Variants in IPPK observed in about 807,000 individuals in gnomAD.
IPPK encodes IPK1 homolog.
A neutral mutation model predicts 64.6 loss-of-function variants in IPPK; 22 were observed. The ratio of observed to expected loss-of-function variants is 0.34; its 90% CI spans 0.24 to 0.49. The LOEUF is 0.49. Ranked by LOEUF, IPPK falls within the 20% of genes least tolerant of loss-of-function variation. The pLI is 0.99. For synonymous variants in IPPK, 262 were observed against 247.2 expected, an observed-to-expected ratio of 1.06 and a Z score of -0.56; for missense variants, 532 against 630.7, an observed-to-expected ratio of 0.84 and a Z score of 1.68.
Position 92,634,402 on chromosome 9 carries a change from G to A in IPPK, c.1154C>T (p.Ala385Val). 1 of 1,613,562 alleles carries A rather than the reference G, an allele frequency of 6.2e-7. No individual in the cohort carries two copies. Among genetic ancestry groups the A allele is most frequent in the Non-Finnish European group, 8.5e-7 (1 of 1,179,434 alleles). The change falls in exon 11 of 13, where the codon GCC becomes GTC. Residue 385 changes from alanine (A) to valine (V), a missense_variant. Ala to Val is a moderately conservative substitution (Grantham distance 64). Coordinates refer to ENST00000287996, the MANE Select transcript of IPPK (RefSeq NM_022755.6). ...DLSTEDDGTV[A>V]FALTKVQQYR... ...TCTGCCCACCTTCGTTAGCGCGAAG[G>A]CCACTGTCCCGTCATCCTCAGTGGA...
intron 11 of IPPK, among the ~76,000 whole-genome samples, chr9:92,628,603 C>T (rs140847474): frequency 4.1e-4 from 62 of 152,276 alleles, no homozygotes; most frequent in African/African-American, 1.4e-3. Flanking sequence ...TGACCGGGCA[C>T]GGTGGCTCAC....
intron 3 of IPPK, among the ~76,000 whole-genome samples, chr9:92,653,604 C>A (rs1279388161): frequency 6.6e-6 from 1 of 152,226 alleles, no homozygotes; most frequent in Non-Finnish European, 1.5e-5. Flanking sequence ...GTAATTCCAG[C>A]ACTTTGGGAG....
chr9:92,648,072 T>C lies in IPPK; in HGVS notation c.491A>G (p.His164Arg). 1.2e-6 allele frequency: 2 copies of C among 1,612,752 alleles called. No individual in the cohort carries two copies. The highest frequency in any genetic ancestry group is 1.7e-6 in the Non-Finnish European group (2 of 1,179,184). Residue 164 changes from histidine to arginine, a missense_variant, in exon 6 of 13, where the codon CAC becomes CGC. Transcript: ENST00000287996. Reference protein sequence around the residue: ...MKHKVCRYCMHQHLKVATGKW... With the variant: ...MKHKVCRYCMRQHLKVATGKW... ...ATTGGCTCTCACCTTGAGGTGCTGG[T>C]GCATGCAGTATCGACAGACCTTATG...
At chr9:92,659,546 G>A (rs984000806) in intron 1 of IPPK, among the ~76,000 whole-genome samples, 7 of 152,010 alleles carry the variant, frequency 4.6e-5, no homozygotes, top group African/African-American at 9.7e-5. Context: ...TTCTAAGAAC[G>A]TACATTATAT....
intron 12 of IPPK, chr9:92,617,961 T>C: frequency 3.1e-6 from 1 of 324,818 alleles, no homozygotes; most frequent in South Asian, 2.6e-5. Context: ...GTGGTCAATC[T>C]ATCTGTGAGC....
rs924152322 is a variant in IPPK at position 92,634,313 on chromosome 9, C to CA, written c.1170+72dup. 6.2e-6 allele frequency: 7 copies of CA among 1,120,974 alleles called. No individual in the cohort carries two copies. In the African/African-American group the frequency reaches 7.9e-5, roughly 13 times the overall value. The allele number at this position is 1,120,974 out of a possible 1,614,324, so 69.4% of individuals were successfully genotyped here. ...GGGGTAGGTAATGGAAAAAAAAATA[C>CA]AAAAAACAAAAAAACAGATTAGTGC... On this transcript the variant is annotated intron_variant, in intron 11 of 12. Transcript: ENST00000287996.
chr9:92,620,859 C>T (rs1164093960), intron 11 of IPPK, among the ~76,000 whole-genome samples: 1 of 152,190 alleles, frequency 6.6e-6, no homozygotes, highest in African/African-American at 2.4e-5. Flanking sequence ...GGAAACTAAA[C>T]TCTTGGTGGG....
intron 4 of IPPK, among the ~76,000 whole-genome samples, chr9:92,651,393 G>A (rs1298070943): frequency 6.6e-6 from 1 of 152,210 alleles, no homozygotes; most frequent in Admixed American, 6.5e-5. Context: ...GGGAGTGGGT[G>A]GGGATGGAGG....
At chr9:92,667,709 A>G (rs1252970849) in intron 1 of IPPK, among the ~76,000 whole-genome samples, 1 of 151,168 alleles carries the variant, frequency 6.6e-6, no homozygotes, top group Non-Finnish European at 1.5e-5. Context: ...ATTTGAGGTC[A>G]GGAGTTTGAA....
chr9:92,626,964 A>G (rs1372061206), intron 11 of IPPK, among the ~76,000 whole-genome samples: 2 of 152,070 alleles, frequency 1.3e-5, no homozygotes, highest in Non-Finnish European at 2.9e-5. Flanking sequence ...CCCAGATAAA[A>G]AATTATTTTC....
intron 8 of IPPK, among the ~76,000 whole-genome samples, chr9:92,639,220 T>C (rs1011492624): frequency 1.3e-5 from 2 of 152,062 alleles, no homozygotes; most frequent in African/African-American, 4.8e-5. Context: ...AGCAATTTTT[T>C]TGATTTTTTG....
chr9:92,647,551 T>C (rs2131447563), intron 6 of IPPK, among the ~76,000 whole-genome samples: 1 of 152,166 alleles, frequency 6.6e-6, no homozygotes. Context: ...TTATACACCA[T>C]GAGCAACTGG....
chr9:92,669,968 G>T lies in IPPK; in HGVS notation c.21C>A (p.Asp7Glu), dbSNP rs1377011532. 1 of 1,612,740 alleles carries T rather than the reference G, an allele frequency of 6.2e-7. No homozygotes were observed. The highest frequency in any genetic ancestry group is 1.3e-5 in the African/African-American group (1 of 74,790). MEEGKM[D>E]ENEWGYHGEG... is the part of the protein sequence containing the mutation. ...CTCCGTGGTACCCCCATTCATTCTCGTCCATCTTCCCCTCTTCCATGCCCA... is the reference window on the plus strand; with the variant it reads ...CTCCGTGGTACCCCCATTCATTCTCTTCCATCTTCCCCTCTTCCATGCCCA... Residue 7 changes from aspartate to glutamate, a missense_variant, in exon 1 of 13, where the codon GAC becomes GAA. Coordinates refer to ENST00000287996, the MANE Select transcript of IPPK (RefSeq NM_022755.6).
chr9:92,656,125 G>A (rs761100844), intron 3 of IPPK, among the ~76,000 whole-genome samples: 3 of 152,202 alleles, frequency 2.0e-5, no homozygotes, highest in Non-Finnish European at 4.4e-5. Context: ...GGCCTCCTGT[G>A]TTCAAAGGTG....
chr9:92,625,372 CT>C (rs767883671), intron 11 of IPPK, among the ~76,000 whole-genome samples: 14 of 152,118 alleles, frequency 9.2e-5, no homozygotes, highest in Non-Finnish European at 1.5e-4. Flanking sequence ...AATTTTACAT[CT>C]AAAAATCTGT....
At chr9:92,625,072 G>A (rs531852933) in intron 11 of IPPK, among the ~76,000 whole-genome samples, 2 of 152,314 alleles carry the variant, frequency 1.3e-5, no homozygotes, top group South Asian at 4.1e-4. Flanking sequence ...TCTGATTGCT[G>A]CCAGTGTTCC....
intron 12 of IPPK, chr9:92,618,722 G>A: frequency 2.7e-6 from 1 of 366,450 alleles, no homozygotes; most frequent in East Asian, 7.4e-5. Context: ...TTTCATATTG[G>A]AAAGTAAACA....
intron 11 of IPPK, among the ~76,000 whole-genome samples, chr9:92,621,975 C>G (rs562956277): frequency 6.6e-6 from 1 of 152,276 alleles, no homozygotes; most frequent in South Asian, 2.1e-4. Context: ...GCCAAAATCC[C>G]TAAACAAAAT....
intron 11 of IPPK, among the ~76,000 whole-genome samples, chr9:92,623,044 G>A (rs2131420996): frequency 6.6e-6 from 1 of 152,192 alleles, no homozygotes; most frequent in Admixed American, 6.5e-5. Context: ...AATATCTTCA[G>A]GACCTTAAGG....
Sources: allele counts gnomAD v4.1 joint callset (sites outside exome capture counted in the v4.1 genomes callset), GRCh38; gene constraint gnomAD v4.1.1; transcripts MANE v1.5; gene names NCBI Gene and HGNC (gene_info 2026-07-23, HGNC 2026-07-21).